CCDC38: variants seen among roughly 807,000 people sequenced by gnomAD.
CCDC38 encodes the protein coiled-coil domain containing 38.
A neutral mutation model predicts 72.8 loss-of-function variants in CCDC38; 69 were observed. The observed-to-expected ratio is 0.95, with a 90% CI of 0.78 to 1.16. The LOEUF is 1.16. Ranked by LOEUF, CCDC38 falls within the 50% of genes most tolerant of loss-of-function variation. CCDC38 has a pLI of 0.00. For missense variants in CCDC38, 626 were observed against 638.9 expected (o/e 0.98, Z 0.22); for synonymous variants, 201 against 213.2 (o/e 0.94, Z 0.50).
intron 9 of CCDC38, chr12:95,889,033 CTTT>C (rs63374760): frequency 7.5e-4 from 64 of 85,010 alleles, no homozygotes; most frequent in Middle Eastern, 0.017. Flanking sequence ...ATTGTCTCAG[CTTT>C]TTTTTTTTTT....
At chr12:95,935,552 T>A (rs994701023) in intron 2 of CCDC38, 3 of 319,454 alleles carry the variant, frequency 9.4e-6, no homozygotes, top group Non-Finnish European at 1.9e-5. Context: ...ACGTCTATCA[T>A]GTTTAAGCCA....
intron 5 of CCDC38, chr12:95,903,555 G>A (rs185460336): frequency 6.8e-5 from 46 of 671,900 alleles, no homozygotes; most frequent in Non-Finnish European, 7.9e-5. Flanking sequence ...TAAAGTTGAG[G>A]AACTTCTCTT....
chr12:95,891,364 G>A (rs188761198), intron 8 of CCDC38, among the ~76,000 whole-genome samples: 38 of 151,904 alleles, frequency 2.5e-4, no homozygotes, highest in African/African-American at 8.2e-4. Context: ...TATTTTTTTG[G>A]GGACAGGGTC....
chr12:95,921,684 G>T (rs1046516376), intron 2 of CCDC38, among the ~76,000 whole-genome samples: 1 of 152,040 alleles, frequency 6.6e-6, no homozygotes, highest in Non-Finnish European at 1.5e-5. Flanking sequence ...GATTTGGGTA[G>T]GGACACAGAG....
At chr12:95,922,281 C>T (rs2080217672) in intron 2 of CCDC38, among the ~76,000 whole-genome samples, 1 of 152,186 alleles carries the variant, frequency 6.6e-6, no homozygotes, top group South Asian at 2.1e-4. Context: ...TACGAGATAG[C>T]TGAACACATG....
chr12:95,930,911 C>G (rs1410725207), intron 2 of CCDC38, among the ~76,000 whole-genome samples: 2 of 152,120 alleles, frequency 1.3e-5, no homozygotes, highest in Non-Finnish European at 2.9e-5. Flanking sequence ...CTCTAGATCT[C>G]TTCCTTTTGT....
At chr12:95,911,221 A>G (rs2080090985) in intron 4 of CCDC38, among the ~76,000 whole-genome samples, 1 of 152,214 alleles carries the variant, frequency 6.6e-6, no homozygotes, top group Non-Finnish European at 1.5e-5. Flanking sequence ...TCATCTTACC[A>G]TATACAAAAA....
intron 5 of CCDC38, among the ~76,000 whole-genome samples, chr12:95,899,121 G>A (rs2079924684): frequency 6.6e-6 from 1 of 152,192 alleles, no homozygotes. Flanking sequence ...AAGACCATGG[G>A]AGAAAGCAGT....
chr12:95,938,075 T>A (rs2080412482), intron 1 of CCDC38, among the ~76,000 whole-genome samples: 1 of 152,222 alleles, frequency 6.6e-6, no homozygotes. Flanking sequence ...CTAATTAGCA[T>A]CTGATTTTAG....
chr12:95,920,565 C>T (rs1207088866), intron 2 of CCDC38, among the ~76,000 whole-genome samples: 1 of 152,098 alleles, frequency 6.6e-6, no homozygotes, highest in African/African-American at 2.4e-5. Context: ...CATGGATGAA[C>T]ATTGGAAACA....
chr12:95,888,118 T>G (rs888725771), intron 10 of CCDC38, among the ~76,000 whole-genome samples: 1 of 152,214 alleles, frequency 6.6e-6, no homozygotes, highest in African/African-American at 2.4e-5. Context: ...AAATACTTTA[T>G]GATCCTAATT....
At chr12:95,914,471 A>T (rs868423888) in intron 4 of CCDC38, among the ~76,000 whole-genome samples, 4 of 152,116 alleles carry the variant, frequency 2.6e-5, no homozygotes, top group Admixed American at 6.6e-5. Context: ...ATTTATTGCC[A>T]CCCTCCTTAA....
chr12:95,878,463 CA>C, intron 12 of CCDC38, 117 bp from the exon 13 acceptor site: 5 of 996,870 alleles, frequency 5.0e-6, no homozygotes, highest in Non-Finnish European at 7.4e-6. Context: ...GAGCCAAATA[CA>C]AGTCTGTATT....
chr12:95,925,482 G>A (rs1170409305), intron 2 of CCDC38, among the ~76,000 whole-genome samples: 2 of 152,192 alleles, frequency 1.3e-5, no homozygotes, highest in African/African-American at 4.8e-5. Context: ...CAAGTCATCT[G>A]CAAACAGGGA....
intron 2 of CCDC38, among the ~76,000 whole-genome samples, chr12:95,925,665 T>C (rs1245136344): frequency 1.3e-5 from 2 of 152,204 alleles, no homozygotes; most frequent in Non-Finnish European, 2.9e-5. Context: ...CAGTATAATA[T>C]TGGCTGTGGG....
intron 4 of CCDC38, among the ~76,000 whole-genome samples, chr12:95,908,471 G>C (rs1235736410): frequency 0.14 from 8 of 58 alleles, no homozygotes; most frequent in Admixed American, 0.5. Flanking sequence ...GAGAGGGAGA[G>C]GGAGAGGGAG....
chr12:95,881,676 G>A (rs1247825853), intron 10 of CCDC38, 122 bp from the exon 11 acceptor site: 12 of 659,086 alleles, frequency 1.8e-5, no homozygotes, highest in South Asian at 7.5e-5. Context: ...TCAATAGCAG[G>A]TTTAGCCTTT....
At chr12:95,939,970 C>A (rs2080431727) in intron 1 of CCDC38, among the ~76,000 whole-genome samples, 1 of 152,180 alleles carries the variant, frequency 6.6e-6, no homozygotes, top group Non-Finnish European at 1.5e-5. Context: ...ATGCTTAATG[C>A]ACTGTAGAAT....
rs531915251 is a variant in CCDC38 at position 95,928,011 on chromosome 12, T to C, written c.37+8462A>G. Among the ~76,000 whole-genome samples, 465 of 147,532 alleles carry C rather than the reference T, an allele frequency of 3.2e-3. 4 individuals carry two copies. Among genetic ancestry groups the C allele is most frequent in the African/African-American group, 0.011 (444 of 39,720 alleles). On this transcript the variant is annotated intron_variant, in intron 2 of 15. Coordinates refer to ENST00000344280, the MANE Select transcript of CCDC38 (RefSeq NM_182496.3). ...TCAACTTTGGTGAATCTGACAATTATGTGTCTTGGAGTTGCTCTTCTCGAG... is the reference window on the plus strand; with the variant it reads ...TCAACTTTGGTGAATCTGACAATTACGTGTCTTGGAGTTGCTCTTCTCGAG...
Sources: allele counts gnomAD v4.1 joint callset (sites outside exome capture counted in the v4.1 genomes callset), GRCh38; gene constraint gnomAD v4.1.1; transcripts MANE v1.5; gene names NCBI Gene and HGNC (gene_info 2026-07-23, HGNC 2026-07-21).